HYCC1: variants seen among roughly 807,000 people sequenced by gnomAD.
HYCC1 encodes hyccin.
chr7:22,972,396 A>G, the HYCC1 span, among the ~76,000 whole-genome samples: 3 of 152,314 alleles, frequency 2.0e-5, no homozygotes, highest in South Asian at 6.2e-4. Flanking sequence ...ATCCATATCC[A>G]GGTTCGTCAG....
chr7:22,924,082 G>A, the HYCC1 span, among the ~76,000 whole-genome samples: 3 of 151,224 alleles, frequency 2.0e-5, no homozygotes, highest in African/African-American at 7.3e-5. Context: ...GAGAAGCTGA[G>A]GTGTGAGAAT....
At chr7:22,899,395 C>G in the HYCC1 span, among the ~76,000 whole-genome samples, 1 of 152,252 alleles carries the variant, frequency 6.6e-6, no homozygotes, top group Non-Finnish European at 1.5e-5. Flanking sequence ...CCACTACCTT[C>G]TCGGAAGGTT....
At chr7:22,974,744 C>A in the HYCC1 span, among the ~76,000 whole-genome samples, 1 of 152,126 alleles carries the variant, frequency 6.6e-6, no homozygotes. Flanking sequence ...GGCTGTGTCC[C>A]TACTCAAATC....
the HYCC1 span, among the ~76,000 whole-genome samples, chr7:22,918,123 C>A: frequency 6.6e-6 from 1 of 152,060 alleles, no homozygotes; most frequent in East Asian, 1.9e-4. Flanking sequence ...TATAAAAAAA[C>A]TCAAGAATAG....
the HYCC1 span, among the ~76,000 whole-genome samples, chr7:22,966,868 A>G: frequency 6.6e-5 from 10 of 152,346 alleles, no homozygotes; most frequent in East Asian, 1.9e-3. Flanking sequence ...TAAGCAGGGA[A>G]ACAGAAAAAT....
chr7:23,012,013 A>G, the HYCC1 span, among the ~76,000 whole-genome samples: 37 of 152,352 alleles, frequency 2.4e-4, 1 homozygote, highest in African/African-American at 8.9e-4. Flanking sequence ...TGTTACTAAC[A>G]TCTTGTATGT....
At chr7:22,963,094 T>C in the HYCC1 span, among the ~76,000 whole-genome samples, 1 of 152,238 alleles carries the variant, frequency 6.6e-6, no homozygotes, top group South Asian at 2.1e-4. Flanking sequence ...CCATTTCCTG[T>C]CATAAATAAT....
the HYCC1 span, among the ~76,000 whole-genome samples, chr7:22,924,505 G>A: frequency 6.6e-6 from 1 of 152,184 alleles, no homozygotes; most frequent in East Asian, 1.9e-4. Context: ...TTTTCCAACG[G>A]GCTTAACAAA....
the HYCC1 span, chr7:22,945,523 C>T: frequency 2.2e-4 from 275 of 1,244,740 alleles, 1 homozygote; most frequent in African/African-American, 3.6e-3. Context: ...ACCCAGGGTA[C>T]TTTCATAAAG....
chr7:22,977,651 TAC>T, the HYCC1 span, among the ~76,000 whole-genome samples: 2 of 152,202 alleles, frequency 1.3e-5, no homozygotes, highest in Admixed American at 6.5e-5. Flanking sequence ...ATGGCTGAGA[TAC>T]AGATACAGTG....
At chr7:22,990,711 C>T in the HYCC1 span, among the ~76,000 whole-genome samples, 1 of 152,216 alleles carries the variant, frequency 6.6e-6, no homozygotes, top group Non-Finnish European at 1.5e-5. Flanking sequence ...CATTGTTGGT[C>T]ACCCCAGTTC....
the HYCC1 span, among the ~76,000 whole-genome samples, chr7:22,910,833 T>C: frequency 2.6e-5 from 4 of 151,580 alleles, no homozygotes; most frequent in Non-Finnish European, 5.9e-5. Context: ...TGTAAGAAAG[T>C]ATTTTAAGAG....
At chr7:22,896,395 A>G in the HYCC1 span, among the ~76,000 whole-genome samples, 1 of 152,220 alleles carries the variant, frequency 6.6e-6, no homozygotes, top group Non-Finnish European at 1.5e-5. Context: ...ACTCAGAATG[A>G]CCACTACAGA....
the HYCC1 span, among the ~76,000 whole-genome samples, chr7:22,962,924 T>C: frequency 6.6e-6 from 1 of 151,942 alleles, no homozygotes. Flanking sequence ...GCAGGAGTAT[T>C]AAGAAAAACC....
the HYCC1 span, among the ~76,000 whole-genome samples, chr7:23,013,555 G>T: frequency 5.9e-5 from 9 of 152,178 alleles, no homozygotes; most frequent in African/African-American, 2.2e-4. Context: ...GGGGCGGCCG[G>T]TGGGGCCGAG....
At chr7:22,998,266 T>C in the HYCC1 span, among the ~76,000 whole-genome samples, 4 of 152,322 alleles carry the variant, frequency 2.6e-5, no homozygotes, top group East Asian at 7.7e-4. Flanking sequence ...GTTACTGCTC[T>C]TGGATTTCTA....
At chr7:22,983,401 G>T in the HYCC1 span, among the ~76,000 whole-genome samples, 1 of 151,952 alleles carries the variant, frequency 6.6e-6, no homozygotes, top group Non-Finnish European at 1.5e-5. Context: ...GGAAAGACTG[G>T]GAAAGGCACT....
At chr7:23,005,410 C>T in the HYCC1 span, among the ~76,000 whole-genome samples, 1 of 152,246 alleles carries the variant, frequency 6.6e-6, no homozygotes, top group African/African-American at 2.4e-5. Context: ...CTAAGTATCA[C>T]TAACAAAATA....
At chr7:23,002,134 T>C in the HYCC1 span, among the ~76,000 whole-genome samples, 1 of 93,238 alleles carries the variant, frequency 1.1e-5, no homozygotes, top group East Asian at 2.8e-4. Context: ...ATGGTAAAAA[T>C]TGTATATATA....
Sources: allele counts gnomAD v4.1 joint callset (sites outside exome capture counted in the v4.1 genomes callset), GRCh38; gene constraint gnomAD v4.1.1; transcripts MANE v1.5; gene names NCBI Gene and HGNC (gene_info 2026-07-23, HGNC 2026-07-21).